The following DPP6 variants were observed in gnomAD, a reference collection of about 807,000 sequenced individuals.
DPP6 encodes dipeptidyl peptidase like 6.
In DPP6, 69 loss-of-function variants were observed where a neutral mutation model predicts 122.6. The observed-to-expected ratio is 0.56, with a 90% CI of 0.46 to 0.69. The LOEUF (loss-of-function observed/expected upper bound fraction) is 0.69, where lower values mean the gene tolerates loss of function less well. Among genes scored for constraint, DPP6 ranks in the 30% least tolerant of loss-of-function variants. The pLI, the probability that DPP6 is intolerant of heterozygous loss-of-function variation, is 0.00. For missense variants in DPP6, 928 were observed against 1,116.9 expected (o/e 0.83, Z 2.41); for synonymous variants, 418 against 433.1 (o/e 0.97, Z 0.43).
intron 5 of DPP6, among the ~76,000 whole-genome samples, chr7:154,628,159 T>C (rs1835199928): frequency 6.6e-6 from 1 of 152,192 alleles, no homozygotes; most frequent in Non-Finnish European, 1.5e-5. Flanking sequence ...CACCAACAAA[T>C]GGCTTCCATC....
At chr7:153,930,486 T>C (rs945530621) in intron 1 of DPP6, among the ~76,000 whole-genome samples, 6 of 152,214 alleles carry the variant, frequency 3.9e-5, no homozygotes, top group African/African-American at 1.4e-4. Flanking sequence ...TTGACAAAAT[T>C]GTGTGTATTT....
At chr7:154,332,698 TATAAAGTGTG>T (rs1161368054) in intron 1 of DPP6, among the ~76,000 whole-genome samples, 10 of 152,224 alleles carry the variant, frequency 6.6e-5, no homozygotes, top group Admixed American at 6.5e-4. Flanking sequence ...GATCTAGGTT[TATAAAGTGTG>T]TATACATTTT....
chr7:153,808,404 T>C, the DPP6 span, among the ~76,000 whole-genome samples: 791 of 151,344 alleles, frequency 5.2e-3, 8 homozygotes, highest in Non-Finnish European at 5.9e-3. Flanking sequence ...CCTGTGTGTG[T>C]GCCTGTATGT....
chr7:154,831,396 G>T (rs1381934609), intron 16 of DPP6, among the ~76,000 whole-genome samples: 3 of 152,168 alleles, frequency 2.0e-5, no homozygotes, highest in Non-Finnish European at 4.4e-5. Context: ...GCAGAGCTGG[G>T]TAGAAATTTA....
At chr7:153,927,743 G>A (rs940999945) in intron 1 of DPP6, among the ~76,000 whole-genome samples, 1 of 152,086 alleles carries the variant, frequency 6.6e-6, no homozygotes, top group South Asian at 2.1e-4. Flanking sequence ...AGTCCCTCAG[G>A]GCTGCTATTA....
Position 153,906,652 on chromosome 7 carries a change from A to G in DPP6, c.51+18918A>G, listed in dbSNP as rs572303917. Reference sequence around the variant, plus strand: ...TTTTTTGTAGAGACAGGGTTTCTCCATGTTGCCCAGGCTGGTCTCAAACTC... The same window carrying G: ...TTTTTTGTAGAGACAGGGTTTCTCCGTGTTGCCCAGGCTGGTCTCAAACTC... On this transcript the variant is annotated intron_variant, in intron 1 of 25. Coordinates refer to the DPP6 transcript ENST00000404039. Among the ~76,000 whole-genome samples the G allele has an allele frequency of 3.9e-5, 6 of 152,214 alleles. No individual in the cohort carries two copies. The South Asian group carries it at 1.2e-3, about 32-fold the overall frequency.
intron 1 of DPP6, among the ~76,000 whole-genome samples, chr7:153,996,742 ATTTTTACAGTCTAC>A (rs934220025): frequency 5.3e-5 from 8 of 152,192 alleles, no homozygotes; most frequent in Admixed American, 1.3e-4. Context: ...AATAGTGGTA[ATTTTTACAGTCTAC>A]AAACAACAAA....
intron 6 of DPP6, among the ~76,000 whole-genome samples, chr7:154,663,130 G>A (rs113718887): frequency 1.5e-5 from 1 of 65,846 alleles, no homozygotes; most frequent in African/African-American, 4.0e-5. Context: ...CATATTGGCC[G>A]TAGTGTTCAC....
intron 3 of DPP6, among the ~76,000 whole-genome samples, chr7:154,530,754 A>G (rs1349243659): frequency 2.0e-5 from 3 of 152,326 alleles, no homozygotes; most frequent in Non-Finnish European, 2.9e-5. Context: ...ATGTCCATCA[A>G]TGATAGACTG....
At chr7:153,882,900 T>C (rs1038992596), upstream of DPP6, among the ~76,000 whole-genome samples, 5 of 152,182 alleles carry the variant, frequency 3.3e-5, no homozygotes, top group African/African-American at 1.2e-4. Flanking sequence ...GAAGATTCCA[T>C]GGGGCTTAGG....
intron 4 of DPP6, among the ~76,000 whole-genome samples, chr7:154,557,980 G>A (rs753401222): frequency 1.3e-5 from 2 of 151,938 alleles, no homozygotes; most frequent in African/African-American, 2.4e-5. Context: ...TAAGTTCTGG[G>A]GTACATGTGC....
At chr7:154,274,513 G>T (rs1425083713) in intron 1 of DPP6, among the ~76,000 whole-genome samples, 1 of 152,148 alleles carries the variant, frequency 6.6e-6, no homozygotes, top group African/African-American at 2.4e-5. Context: ...ACGCTGACGA[G>T]GTGAGTCCTT....
intron 7 of DPP6, among the ~76,000 whole-genome samples, chr7:154,685,070 T>C (rs889811928): frequency 6.6e-6 from 1 of 152,222 alleles, no homozygotes; most frequent in African/African-American, 2.4e-5. Flanking sequence ...AACATCTCAT[T>C]GTTACACAGA....
intron 1 of DPP6, among the ~76,000 whole-genome samples, chr7:154,280,010 A>G (rs1352349722): frequency 2.0e-5 from 3 of 152,210 alleles, no homozygotes; most frequent in Admixed American, 1.3e-4. Flanking sequence ...AAATGTTGAG[A>G]GTAATCAGCA....
At chr7:154,124,258 G>T (rs1004543241) in intron 1 of DPP6, among the ~76,000 whole-genome samples, 12 of 152,248 alleles carry the variant, frequency 7.9e-5, no homozygotes, top group Non-Finnish European at 1.8e-4. Context: ...AAAATGATCT[G>T]TGACAGAGCT....
chr7:154,648,803 C>G (rs572002688), intron 6 of DPP6, among the ~76,000 whole-genome samples: 1 of 151,868 alleles, frequency 6.6e-6, no homozygotes, highest in African/African-American at 2.4e-5. Context: ...CCTATAGTCC[C>G]GGCCACTAGG....
At chr7:154,175,074 AATATT>A (rs1415983710) in intron 1 of DPP6, among the ~76,000 whole-genome samples, 3 of 150,818 alleles carry the variant, frequency 2.0e-5, no homozygotes, top group East Asian at 2.0e-4. Context: ...ATTTATTTTT[AATATT>A]ATATTCTATG....
chr7:154,190,573 G>C (rs1226618464), intron 1 of DPP6, among the ~76,000 whole-genome samples: 3 of 152,114 alleles, frequency 2.0e-5, no homozygotes, highest in African/African-American at 7.2e-5. Context: ...AATATGTTCA[G>C]GAACTCAGCT....
chr7:154,205,177 G>A (rs532343100), intron 1 of DPP6, among the ~76,000 whole-genome samples: 1 of 150,936 alleles, frequency 6.6e-6, no homozygotes, highest in Non-Finnish European at 1.5e-5. Flanking sequence ...TGAGATAATT[G>A]CAGATTCACA....
Sources: allele counts gnomAD v4.1 joint callset (sites outside exome capture counted in the v4.1 genomes callset), GRCh38; gene constraint gnomAD v4.1.1; transcripts MANE v1.5; gene names NCBI Gene and HGNC (gene_info 2026-07-23, HGNC 2026-07-21).